Variants in KCTD17 observed in about 807,000 individuals in gnomAD.
KCTD17 encodes potassium channel tetramerization domain containing 17, also known as BTB/POZ domain-containing protein KCTD17.
A neutral mutation model predicts 41.5 loss-of-function variants in KCTD17; 20 were observed. The ratio of observed to expected loss-of-function variants is 0.48; its 90% CI spans 0.34 to 0.70. KCTD17 has a LOEUF of 0.70. Ranked by LOEUF, KCTD17 falls within the 30% of genes least tolerant of loss-of-function variation. The pLI is 0.01. For missense variants in KCTD17, 317 were observed against 427.2 expected (o/e 0.74, Z 2.27); for synonymous variants, 156 against 173.8 (o/e 0.90, Z 0.80).
rs1030764419 is a variant in KCTD17, at chr22:37,060,860, A to AGGAGGAGGT, written c.665_673dup (p.Glu222_Glu224dup). ...CAGCTGGAGGAGCAGCAGCAGCAGG[A>AGGAGGAGGT]GGAGGAGGTGGAGGAGGTGGAGGTG... On this transcript the variant is annotated inframe_insertion, in exon 6 of 9. Transcript: ENST00000403888. The AGGAGGAGGT allele has an allele frequency of 8.5e-6, 13 of 1,531,898 alleles. No homozygotes were observed. The highest frequency in any genetic ancestry group is 8.3e-5 in the African/African-American group (6 of 72,488). The allele number at this position is 1,531,898 out of a possible 1,614,324, so 94.9% of individuals were successfully genotyped here. A position where few individuals can be genotyped will look rare whatever the true frequency, so the allele number is the denominator to read the frequency against.
At chr22:37,060,108 C>A (rs1157435259) in intron 5 of KCTD17, among the ~76,000 whole-genome samples, 1 of 152,180 alleles carries the variant, frequency 6.6e-6, no homozygotes. Context: ...GAGCGGGGGT[C>A]CTGCCATCCT....
At chr22:37,059,166 C>A in intron 4 of KCTD17, 147 bp from the exon 5 acceptor site, 1 of 1,057,262 alleles carries the variant, frequency 9.5e-7, no homozygotes, top group Non-Finnish European at 1.4e-6. Context: ...CCCAGAGGTG[C>A]CCTCTACAAA....
Position 37,051,896 on chromosome 22 carries a change from C to G in KCTD17, c.136C>G (p.Gln46Glu), listed in dbSNP as rs1924523623. 6.0e-6 allele frequency: 9 copies of G among 1,504,320 alleles called. No individual in the cohort carries two copies. Among genetic ancestry groups the G allele is most frequent in the Non-Finnish European group, 8.0e-6 (9 of 1,127,308 alleles). The allele number at this position is 1,504,320 out of a possible 1,614,324, so 93.2% of individuals were successfully genotyped here. Residue 46 changes from glutamine (Q) to glutamate (E), a missense_variant, in exon 1 of 9, where the codon CAG becomes GAG. Physicochemically the swap from Gln to Glu is conservative, Grantham distance 29 (BLOSUM62 2). Transcript: ENST00000403888. Reference protein sequence around the residue: ...LTTRQTLCREQKSFLSRLCQG... With the variant: ...LTTRQTLCREEKSFLSRLCQG... Reference sequence around the variant, plus strand: ...CACCCGGCAGACGCTGTGCCGCGAGCAGAAGTCCTTCCTCAGCCGCCTGTG... The same window carrying G: ...CACCCGGCAGACGCTGTGCCGCGAGGAGAAGTCCTTCCTCAGCCGCCTGTG...
In KCTD17 at chr22:37,056,364, C is replaced by T. The variant is rs747167411; in HGVS notation, c.343C>T (p.Arg115Cys). 6 of 1,613,668 alleles carry T rather than the reference C, an allele frequency of 3.7e-6. No homozygotes were observed. Among genetic ancestry groups the T allele is most frequent in the East Asian group, 2.2e-5 (1 of 44,882 alleles). Residue 115 changes from arginine to cysteine, a missense_variant, in exon 3 of 9, where the codon CGC (arginine) becomes TGC (cysteine). This residue lies in a region of KCTD17 where 99 missense variants were observed against 166.5 expected (regional missense o/e 0.59). Transcript: ENST00000403888. ...AEFYNIGPLI[R>C]IIKDRMEEKD... ...GTTCTACAACATCGGCCCGCTGATCCGCATCATCAAAGACCGGATGGAAGA... is the reference window on the plus strand; with the variant it reads ...GTTCTACAACATCGGCCCGCTGATCTGCATCATCAAAGACCGGATGGAAGA...
At chr22:37,054,670 C>T (rs987887804) in intron 2 of KCTD17, among the ~76,000 whole-genome samples, 8 of 152,110 alleles carry the variant, frequency 5.3e-5, no homozygotes, top group Admixed American at 1.3e-4. Context: ...CCCACCTCAC[C>T]GAGCTGTCAT....
chr22:37,060,371 T>C (rs1291702683), intron 5 of KCTD17, among the ~76,000 whole-genome samples: 1 of 152,060 alleles, frequency 6.6e-6, no homozygotes, highest in Non-Finnish European at 1.5e-5. Context: ...TTCTGCCTCT[T>C]TGGGCCAAAG....
At chr22:37,052,044 C>A in intron 1 of KCTD17, 95 bp downstream of exon 1, 1 of 1,270,356 alleles carries the variant, frequency 7.9e-7, no homozygotes, top group Non-Finnish European at 9.9e-7. Flanking sequence ...GGCTGGGGAC[C>A]CGGCCGGGTT....
chr22:37,062,397 C>CCT lies in KCTD17; in HGVS notation c.876-116_876-115dup, dbSNP rs367800128. On this transcript the variant is annotated intron_variant, in intron 8 of 8. Transcript: ENST00000403888. ...CAGAAGGAAGCCTGTGACTCAACTG[C>CCT]CTCTCTCTCTCTCCCTCTCCCCCAC... The CCT allele has an allele frequency of 2.3e-3, 3,169 of 1,362,058 alleles. 4 individuals are homozygous for CCT. The highest frequency in any genetic ancestry group is 2.9e-3 in the Non-Finnish European group (2,994 of 1,040,372). 84.4% of individuals were successfully genotyped at this position (1,362,058 alleles called of 1,614,324 possible). A position where few individuals can be genotyped will look rare whatever the true frequency, so the allele number is the denominator to read the frequency against.
chr22:37,057,549 G>A (rs1276967431), intron 4 of KCTD17, 56 bp downstream of exon 4: 1 of 1,392,078 alleles, frequency 7.2e-7, no homozygotes, highest in African/African-American at 1.4e-5. Flanking sequence ...CCTAGCCTCT[G>A]ACCAAGCAGG....
chr22:37,056,275 A>G (rs1229915777), intron 2 of KCTD17, 45 bp from the exon 3 acceptor site: 3 of 1,539,806 alleles, frequency 1.9e-6, no homozygotes, highest in Non-Finnish European at 2.7e-6. Flanking sequence ...AGAATGGGGC[A>G]TGGAGGCAGA....
intron 3 of KCTD17, 51 bp from the exon 4 acceptor site, chr22:37,057,347 G>C: frequency 6.9e-7 from 1 of 1,442,332 alleles, no homozygotes; most frequent in East Asian, 2.3e-5. Flanking sequence ...GCCCCTCCTG[G>C]GGTGCCTGGT....
At chr22:37,056,664 T>A (rs1476859722) in intron 3 of KCTD17, among the ~76,000 whole-genome samples, 1 of 152,118 alleles carries the variant, frequency 6.6e-6, no homozygotes, top group African/African-American at 2.4e-5. Context: ...AGGCTCGCCC[T>A]CTCCGGACCT....
chr22:37,052,195 A>T, intron 1 of KCTD17: 1 of 479,632 alleles, frequency 2.1e-6, no homozygotes, highest in Non-Finnish European at 3.6e-6. Context: ...GCCGCCCCGG[A>T]TCGGGGCCTC....
chr22:37,057,618 G>A (rs1601491708), intron 4 of KCTD17, 125 bp downstream of exon 4: 1 of 703,160 alleles, frequency 1.4e-6, no homozygotes, highest in East Asian at 2.7e-5. Flanking sequence ...CCCAACCCCA[G>A]GGTTCTTCTG....
chr22:37,053,204 G>A lies in KCTD17; in HGVS notation c.294G>A (p.Glu98=), dbSNP rs776811694. 1.3e-6 allele frequency: 2 copies of A among 1,599,280 alleles called. No homozygotes were observed. Among genetic ancestry groups the A allele is most frequent in the African/African-American group, 2.7e-5 (2 of 74,608 alleles). ...TGGTGCTGGACAAGGACATGGCTGA[G>A]GAGGGTGAGTTGGTCCAGGGGGCTG... ...GKLVLDKDMA[E]EGVLEEAEFY... The change falls in exon 2 of 9, where the codon GAG becomes GAA. Residue 98 remains glutamate, a synonymous_variant. Transcript: ENST00000403888. This position sits in a 1 kb window ranked among gnomAD's most constrained non-coding sequence, Gnocchi z 4.1.
intron 1 of KCTD17, chr22:37,052,657 T>A (rs141827097): frequency 4.2e-6 from 2 of 470,712 alleles, no homozygotes; most frequent in African/African-American, 4.0e-5. Flanking sequence ...AAGCCCACCC[T>A]GCCTCCCTGC....
At chr22:37,056,264 G>A in intron 2 of KCTD17, 56 bp from the exon 3 acceptor site, 2 of 1,484,768 alleles carry the variant, frequency 1.3e-6, no homozygotes, top group Non-Finnish European at 1.9e-6. Context: ...GGAACAAGAG[G>A]AGAATGGGGC....
Position 37,051,755 on chromosome 22 carries a change from C to T in KCTD17, c.-6C>T. ...CGGGAGGAGGATGCAGACGCCGCGG[C>T]CGGCGATGAGGATGGAGGCCGGGGA... On this transcript the variant is annotated 5_prime_UTR_variant, in exon 1 of 9. Transcript: ENST00000403888. The T allele has an allele frequency of 8.2e-7, 1 of 1,221,128 alleles. No homozygotes were observed. Among genetic ancestry groups the T allele is most frequent in the Non-Finnish European group, 1.0e-6 (1 of 981,576 alleles). 75.6% of individuals were successfully genotyped at this position (1,221,128 alleles called of 1,614,324 possible). A position where few individuals can be genotyped will look rare whatever the true frequency, so the allele number is the denominator to read the frequency against.
chr22:37,061,361 C>T lies in KCTD17; in HGVS notation c.785-178C>T. 1 of 1,475,898 alleles carries T rather than the reference C, an allele frequency of 6.8e-7. No individual in the cohort carries two copies. Among genetic ancestry groups the T allele is most frequent in the Non-Finnish European group, 9.0e-7 (1 of 1,115,232 alleles). The allele number at this position is 1,475,898 out of a possible 1,614,324, so 91.4% of individuals were successfully genotyped here. ...GGCCCTGCATCCCAGAGCGTCCTGC[C>T]TGCCGCCTCCTGCGCCCCTTCTGGT... On this transcript the variant is annotated intron_variant, in intron 7 of 8. Transcript: ENST00000403888. The surrounding 1 kb of genome is among the most constrained non-coding windows in gnomAD (Gnocchi z 6.6).
Sources: allele counts gnomAD v4.1 joint callset (sites outside exome capture counted in the v4.1 genomes callset), GRCh38; gene constraint gnomAD v4.1.1; regional missense constraint gnomAD v4.1.1; non-coding constraint Gnocchi (gnomAD v3.1); transcripts MANE v1.5; gene names NCBI Gene and HGNC (gene_info 2026-07-23, HGNC 2026-07-21).